Variants in MIGA1 observed in about 807,000 individuals in gnomAD.
MIGA1 encodes family with sequence similarity 73, member A.
In MIGA1, 58 loss-of-function variants were observed where a neutral mutation model predicts 82.0. That is an observed-to-expected ratio of 0.71 (90% confidence interval 0.57 to 0.88). The LOEUF (loss-of-function observed/expected upper bound fraction) is 0.88. MIGA1 is among the 40% of genes least tolerant of loss of function. MIGA1 has a pLI of 0.00. For synonymous variants in MIGA1, 249 were observed against 253.6 expected (o/e 0.98, Z 0.17); for missense variants, 751 against 749.1 (o/e 1.00, Z -0.03).
intron 7 of MIGA1, among the ~76,000 whole-genome samples, chr1:77,838,095 G>T (rs1287876849): frequency 1.3e-5 from 2 of 152,092 alleles, no homozygotes; most frequent in Non-Finnish European, 2.9e-5. Context: ...AGCTATTTGG[G>T]ACCAAGACAT....
intron 7 of MIGA1, among the ~76,000 whole-genome samples, chr1:77,831,229 T>A (rs1175363706): frequency 2.0e-5 from 3 of 152,198 alleles, no homozygotes; most frequent in Non-Finnish European, 4.4e-5. Context: ...TATCTGAATA[T>A]CTATGAAATT....
chr1:77,852,164 T>G (rs1458057876), intron 8 of MIGA1, among the ~76,000 whole-genome samples: 5 of 151,920 alleles, frequency 3.3e-5, no homozygotes, highest in Admixed American at 6.6e-5. Flanking sequence ...GGATTACAGG[T>G]GTGAGCCACC....
At chr1:77,817,563 T>C (rs1683616600) in intron 7 of MIGA1, among the ~76,000 whole-genome samples, 2 of 152,234 alleles carry the variant, frequency 1.3e-5, no homozygotes, top group African/African-American at 4.8e-5. Context: ...GAAGCTGTTA[T>C]ATTTTGTTCA....
intron 2 of MIGA1, among the ~76,000 whole-genome samples, chr1:77,785,694 C>T (rs1187617962): frequency 6.6e-6 from 1 of 152,206 alleles, no homozygotes; most frequent in Non-Finnish European, 1.5e-5. Flanking sequence ...CTCCATGTCT[C>T]ACATCCAGGT....
intron 2 of MIGA1, among the ~76,000 whole-genome samples, chr1:77,791,264 AAC>A (rs1682411796): frequency 4.0e-5 from 6 of 150,818 alleles, no homozygotes; most frequent in African/African-American, 7.3e-5. Context: ...AAAAAAAAAA[AAC>A]AAAAAACTGC....
Position 77,878,477 on chromosome 1 carries a change from G to A in MIGA1, c.*3413G>A, listed in dbSNP as rs1646911785. On this transcript the variant is annotated 3_prime_UTR_variant, in exon 16 of 16. Coordinates refer to ENST00000370791, the MANE Select transcript of MIGA1 (RefSeq NM_198549.4). ...AATTGGGTTAAATAGCAAAAGCAAT[G>A]TCTTTAAAAATGATTAGTTTAGAGC... The A allele has an allele frequency of 6.3e-6, 1 of 159,352 alleles. No homozygotes were observed. The highest frequency in any genetic ancestry group is 2.3e-4 in the South Asian group (1 of 4,420). 9.9% of individuals were successfully genotyped at this position (159,352 alleles called of 1,614,324 possible).
intron 8 of MIGA1, among the ~76,000 whole-genome samples, chr1:77,851,382 A>G (rs923520240): frequency 6.6e-6 from 1 of 152,214 alleles, no homozygotes; most frequent in Non-Finnish European, 1.5e-5. Context: ...CCCCCTTTTA[A>G]TAGTAAATTG....
intron 13 of MIGA1, among the ~76,000 whole-genome samples, 171 bp from the exon 14 acceptor site, chr1:77,866,167 G>A (rs1326500659): frequency 3.3e-5 from 5 of 151,978 alleles, no homozygotes; most frequent in Non-Finnish European, 7.4e-5. Context: ...CACCCGCCTC[G>A]GCTTCCCAAA....
At chr1:77,786,156 G>C (rs1682152145) in intron 2 of MIGA1, among the ~76,000 whole-genome samples, 1 of 152,250 alleles carries the variant, frequency 6.6e-6, no homozygotes, top group Non-Finnish European at 1.5e-5. Flanking sequence ...TGAAGCCACA[G>C]CCCAAGCTCT....
At chr1:77,862,577 C>A (rs952737854) in intron 12 of MIGA1, among the ~76,000 whole-genome samples, 3 of 151,598 alleles carry the variant, frequency 2.0e-5, no homozygotes, top group African/African-American at 7.3e-5. Flanking sequence ...ATGGTGAAAC[C>A]TGTCTCTACT....
chr1:77,830,265 T>C (rs1249019185), intron 7 of MIGA1, among the ~76,000 whole-genome samples: 2 of 152,212 alleles, frequency 1.3e-5, no homozygotes, highest in South Asian at 2.1e-4. Flanking sequence ...TCTTCATTTA[T>C]ATCTTTCATA....
Position 77,790,325 on chromosome 1 carries a change from G to A in MIGA1, c.195+6974G>A, listed in dbSNP as rs530925412. On this transcript the variant is annotated intron_variant, in intron 2 of 15. Coordinates refer to ENST00000370791, the MANE Select transcript of MIGA1 (RefSeq NM_198549.4). ...TCTGTCCTCCAGGCTGGAGCACAGT[G>A]ACGCAGTCTCAGCTCACTGCAAGCT... Among the ~76,000 whole-genome samples the A allele has an allele frequency of 5.9e-5, 9 of 152,312 alleles. No individual in the cohort carries two copies. In the South Asian group the frequency reaches 1.7e-3, roughly 28 times the overall value.
chr1:77,783,447 T>A, intron 2 of MIGA1, 96 bp downstream of exon 2: 2 of 597,622 alleles, frequency 3.3e-6, no homozygotes, highest in Non-Finnish European at 5.4e-6. Flanking sequence ...GGTTTCTATA[T>A]AGTACAGTCA....
At chr1:77,870,951 C>T (rs1685957250) in intron 14 of MIGA1, among the ~76,000 whole-genome samples, 1 of 149,552 alleles carries the variant, frequency 6.7e-6, no homozygotes, top group Admixed American at 6.6e-5. Flanking sequence ...TCAGGCGTGG[C>T]GGTGCGCGCC....
intron 2 of MIGA1, among the ~76,000 whole-genome samples, chr1:77,785,867 G>A (rs1331478670): frequency 1.3e-5 from 2 of 152,174 alleles, no homozygotes; most frequent in Non-Finnish European, 2.9e-5. Context: ...TCATTCTGGG[G>A]TCTGGAGGAC....
chr1:77,786,988 C>T (rs188617523), intron 2 of MIGA1, among the ~76,000 whole-genome samples: 1 of 152,282 alleles, frequency 6.6e-6, no homozygotes, highest in Non-Finnish European at 1.5e-5. Context: ...CAAAAGAAAG[C>T]TTTATTGGAC....
chr1:77,847,845 G>T (rs1684901769), intron 8 of MIGA1: 1 of 1,607,600 alleles, frequency 6.2e-7, no homozygotes, highest in Non-Finnish European at 8.5e-7. Context: ...TCAAACTGAT[G>T]TGAAAGTAGA....
intron 8 of MIGA1, among the ~76,000 whole-genome samples, chr1:77,849,046 A>T (rs748230997): frequency 5.9e-5 from 9 of 152,326 alleles, no homozygotes; most frequent in East Asian, 1.9e-4. Context: ...TTCCAGAATC[A>T]TATTGTGCTA....
At chr1:77,867,162 T>C (rs1176694726) in intron 14 of MIGA1, among the ~76,000 whole-genome samples, 1 of 152,150 alleles carries the variant, frequency 6.6e-6, no homozygotes, top group Non-Finnish European at 1.5e-5. Flanking sequence ...TAAGCATTGT[T>C]TTCCTCATAC....
Sources: allele counts gnomAD v4.1 joint callset (sites outside exome capture counted in the v4.1 genomes callset), GRCh38; gene constraint gnomAD v4.1.1; transcripts MANE v1.5; gene names NCBI Gene and HGNC (gene_info 2026-07-23, HGNC 2026-07-21).